The following ATAD2 variants were observed in gnomAD, a reference collection of about 807,000 sequenced individuals.
ATAD2 encodes the protein ATPase family AAA domain containing 2.
A neutral mutation model predicts 168.9 loss-of-function variants in ATAD2; 62 were observed. That is an observed-to-expected ratio of 0.37 (90% CI 0.30 to 0.45). The LOEUF (loss-of-function observed/expected upper bound fraction) is 0.45, where lower values mean the gene tolerates loss of function less well. ATAD2 is among the 20% of genes least tolerant of loss of function. The probability of loss-of-function intolerance (pLI) is 1.00; values close to 1 mark genes in which losing one functional copy is unlikely to be tolerated. For synonymous variants in ATAD2, 613 were observed against 571.6 expected (o/e 1.07, Z -1.03); for missense variants, 1,419 against 1,667.8 (o/e 0.85, Z 2.60).
At chr8:123,397,310 G>T (rs969402384), upstream of ATAD2, among the ~76,000 whole-genome samples, 2 of 149,112 alleles carry the variant, frequency 1.3e-5, no homozygotes, top group South Asian at 2.1e-4. Flanking sequence ...TAAATGTGAA[G>T]TTCAGATAAA....
chr8:123,414,328 T>C lies in ATAD2; in HGVS notation c.-2282+1920A>G, dbSNP rs1480274710. ...TGAGACACAGAAGAGTGAAGTAACT[T>C]TGCCCAAGGTGACCCAACTGGCAAG... is the stretch of plus-strand genomic sequence containing the variant. On this transcript the variant is annotated intron_variant, in intron 1 of 28. Coordinates refer to the ATAD2 transcript ENST00000521903. 5.3e-5 allele frequency among the ~76,000 whole-genome samples: 8 copies of C among 152,106 alleles called. 1 individual carries two copies. The highest frequency in any genetic ancestry group is 5.2e-4 in the Admixed American group (8 of 15,254).
At chr8:123,327,416 T>C (rs1827643494) in intron 25 of ATAD2, among the ~76,000 whole-genome samples, 1 of 152,094 alleles carries the variant, frequency 6.6e-6, no homozygotes, top group Non-Finnish European at 1.5e-5. Context: ...CACTAGAAAG[T>C]ATATCCTAGT....
intron 26 of ATAD2, among the ~76,000 whole-genome samples, chr8:123,325,151 G>C (rs537274446): frequency 1.4e-5 from 2 of 139,968 alleles, no homozygotes; most frequent in East Asian, 4.1e-4. Context: ...CATCCAGGCT[G>C]GAAGGCACGA....
intron 8 of ATAD2, among the ~76,000 whole-genome samples, chr8:123,367,878 A>G (rs1330595138): frequency 6.6e-6 from 1 of 152,160 alleles, no homozygotes; most frequent in Admixed American, 6.5e-5. Context: ...AGCACTTACA[A>G]AGGTGCTGCT....
At chr8:123,383,243 T>C (rs1234491844) in intron 1 of ATAD2, among the ~76,000 whole-genome samples, 2 of 152,024 alleles carry the variant, frequency 1.3e-5, no homozygotes, top group East Asian at 3.9e-4. Context: ...ATACCTAACG[T>C]AGATGACAGG....
chr8:123,399,039 G>A (rs531991643), upstream of ATAD2, among the ~76,000 whole-genome samples: 3 of 151,698 alleles, frequency 2.0e-5, no homozygotes, highest in East Asian at 5.9e-4. Flanking sequence ...GAGGTGGGCA[G>A]ATCACGAGGT....
In ATAD2 at chr8:123,389,133, A is replaced by ATT. The variant is rs71310669; in HGVS notation, c.171+7052_171+7053dup. ...AGGAGCCTGCTACCACGCCCGGCTA[A>ATT]TTTTTTTTTTTTTTTTGTATTTTTA... is the stretch of plus-strand genomic sequence containing the variant. On this transcript the variant is annotated intron_variant, in intron 1 of 27. Coordinates refer to ENST00000287394, the MANE Select transcript of ATAD2 (RefSeq NM_014109.4). Among the ~76,000 whole-genome samples the ATT allele has an allele frequency of 3.5e-3, 454 of 129,498 alleles. 7 individuals are homozygous for ATT. In the South Asian group the frequency reaches 0.04, roughly 11 times the overall value. 85.0% of individuals were successfully genotyped at this position (129,498 alleles called of 152,430 possible). A position where few individuals can be genotyped will look rare whatever the true frequency, so the allele number is the denominator to read the frequency against.
Position 123,396,129 on chromosome 8 carries a change from G to C in ATAD2, c.171+58C>G, listed in dbSNP as rs1812813062. 4.5e-5 allele frequency: 66 copies of C among 1,482,868 alleles called. No homozygotes were observed. The South Asian group carries it at 7.8e-4, about 18-fold the overall frequency. The allele number at this position is 1,482,868 out of a possible 1,614,324, so 91.9% of individuals were successfully genotyped here. ...CACCCCCAGGCCCCTCCGAGCGCCG[G>C]GCTGCCGGCAGTCCCCCCGGGAACC... On this transcript the variant is annotated intron_variant, in intron 1 of 27. Transcript: ENST00000287394.
chr8:123,336,267 T>C (rs2131298668), intron 22 of ATAD2, 106 bp downstream of exon 22: 3 of 990,114 alleles, frequency 3.0e-6, no homozygotes, highest in Middle Eastern at 2.1e-4. Flanking sequence ...GAGGATTAAA[T>C]AGTATTTTGA....
Position 123,346,113 on chromosome 8 carries a change from A to G in ATAD2, c.2505T>C (p.Thr835=). The stretch of plus-strand genomic sequence containing the variant: ...GGGCACATGTTTCTTCAGGGGATGT[A>G]GTACTAACTCCAAAAAGAACAGGAA... ...LDIPVLFGVS[T]TSPEETCAQV... is the part of the protein sequence containing the mutation. The change falls in exon 18 of 28, where the codon ACT becomes ACC. Residue 835 remains threonine (T), a synonymous_variant. Coordinates refer to ENST00000287394, the MANE Select transcript of ATAD2 (RefSeq NM_014109.4). The G allele has an allele frequency of 1.3e-6, 2 of 1,579,058 alleles. No individual in the cohort carries two copies. Among genetic ancestry groups the G allele is most frequent in the Non-Finnish European group, 1.7e-6 (2 of 1,165,826 alleles).
At chr8:123,383,936 C>G (rs1218088655) in intron 1 of ATAD2, among the ~76,000 whole-genome samples, 4 of 151,758 alleles carry the variant, frequency 2.6e-5, no homozygotes, top group Admixed American at 2.6e-4. Context: ...ACAAAATTAG[C>G]TGGGTGTGGT....
At chr8:123,401,695 G>T (rs572915816) in intron 1 of ATAD2, 8 of 752,832 alleles carry the variant, frequency 1.1e-5, no homozygotes, top group Admixed American at 1.9e-5. Flanking sequence ...ACGTCAAGGT[G>T]CCGGCCCTTG....
rs1828832846 is a variant in ATAD2, at chr8:123,361,769, AC to A, written c.1050-124del. ...TATCATAAAATTAATACATCTGCTG[AC>A]CCACTGACATAAACTTTGTTCGCTG... On this transcript the variant is annotated intron_variant, in intron 8 of 27. Transcript: ENST00000287394. 4.6e-5 allele frequency: 30 copies of A among 646,096 alleles called. No homozygotes were observed. In the East Asian group the frequency reaches 8.4e-4, roughly 18 times the overall value. The allele number at this position is 646,096 out of a possible 1,614,324, so 40.0% of individuals were successfully genotyped here.
At chr8:123,403,489 T>G (rs1484388013) in intron 1 of ATAD2, among the ~76,000 whole-genome samples, 3 of 151,848 alleles carry the variant, frequency 2.0e-5, no homozygotes, top group Non-Finnish European at 4.4e-5. Flanking sequence ...GCAGTGGCTA[T>G]TCACAGGCGC....
intron 19 of ATAD2, 124 bp from the exon 20 acceptor site, chr8:123,339,570 T>G: frequency 1.1e-6 from 1 of 875,376 alleles, no homozygotes; most frequent in Non-Finnish European, 1.7e-6. Context: ...AGTATGTCCC[T>G]CCACTTAACA....
At position 123,347,148 on chromosome 8, in the gene ATAD2, G is replaced by A; in HGVS notation, c.2156C>T (p.Ala719Val). ...LQNTVDKILE[A>V]LQRVFPHAEF... ...TGCATGTGGAAATACTCTCTGCAGG[G>A]CTTCTAAAATCTTGTCAACAGTGTT... Residue 719 changes from alanine to valine, a missense_variant, in exon 16 of 28, where the codon GCC becomes GTC. Physicochemically the swap from Ala to Val is moderately conservative, Grantham distance 64. This residue lies in a region of ATAD2 where 545 missense variants were observed against 724.9 expected (regional missense o/e 0.75). Transcript: ENST00000287394. 6.2e-7 allele frequency: 1 copy of A among 1,614,138 alleles called. No individual in the cohort carries two copies. The highest frequency in any genetic ancestry group is 8.5e-7 in the Non-Finnish European group (1 of 1,180,000).
chr8:123,340,629 C>T (rs1828034772), intron 19 of ATAD2, among the ~76,000 whole-genome samples: 1 of 151,980 alleles, frequency 6.6e-6, no homozygotes, highest in African/African-American at 2.4e-5. Flanking sequence ...AAGTATTCAC[C>T]CTAAAAAGGA....
intron 24 of ATAD2, among the ~76,000 whole-genome samples, chr8:123,329,746 CAAAAAAAAAAAAA>C (rs68104102): frequency 1.2e-4 from 10 of 84,384 alleles, no homozygotes; most frequent in African/African-American, 5.0e-4. Flanking sequence ...AACTCCGTCT[CAAAAAAAAAAAAA>C]AAAAAAAAAA....
At chr8:123,372,954 G>A (rs1289245711) in intron 2 of ATAD2, among the ~76,000 whole-genome samples, 5 of 150,418 alleles carry the variant, frequency 3.3e-5, no homozygotes, top group East Asian at 2.0e-4. Flanking sequence ...GTGCAGTGGC[G>A]CGATCTCGGC....
Sources: gnomAD v4.1 joint callset for allele counts (sites outside exome capture counted in the v4.1 genomes callset) on GRCh38, gnomAD v4.1.1 for gene constraint, gnomAD v4.1.1 regional missense constraint, MANE v1.5 for transcripts, NCBI Gene and HGNC (gene_info 2026-07-23, HGNC 2026-07-21) for gene names.